Variants in NMU observed in about 807,000 individuals in gnomAD.
The protein encoded by NMU is neuromedin-U.
NMU carries 29 observed loss-of-function variants against 35.4 expected under a neutral mutation model. The observed-to-expected ratio is 0.82, with a 90% confidence interval of 0.61 to 1.12. The LOEUF (loss-of-function observed/expected upper bound fraction) is 1.12. Among genes scored for constraint, NMU ranks in the 50% most tolerant of loss-of-function variants. The pLI is 0.00. For synonymous variants in NMU, 78 were observed against 81.3 expected, an observed-to-expected ratio of 0.96 and a Z score of 0.22; for missense variants, 199 against 206.2, an observed-to-expected ratio of 0.97 and a Z score of 0.21.
chr4:55,627,225 G>A (rs751607434), intron 2 of NMU, among the ~76,000 whole-genome samples: 10 of 151,530 alleles, frequency 6.6e-5, no homozygotes, highest in Non-Finnish European at 1.2e-4. Flanking sequence ...GGTTCATTCT[G>A]TCTGTTCTTG....
At chr4:55,619,490 C>T (rs1277870880) in intron 2 of NMU, among the ~76,000 whole-genome samples, 4 of 140,058 alleles carry the variant, frequency 2.9e-5, no homozygotes, top group East Asian at 2.1e-4. Context: ...GAGACTATAT[C>T]CCACACCTGG....
At chr4:55,607,003 T>G (rs764667492) in intron 6 of NMU, among the ~76,000 whole-genome samples, 1 of 152,132 alleles carries the variant, frequency 6.6e-6, no homozygotes, top group Non-Finnish European at 1.5e-5. Flanking sequence ...AAATTTTGTT[T>G]TATTTATTGC....
chr4:55,598,607 T>C (rs1007367131), intron 9 of NMU, among the ~76,000 whole-genome samples: 3 of 152,168 alleles, frequency 2.0e-5, no homozygotes, highest in Non-Finnish European at 2.9e-5. Flanking sequence ...AGGTAGAAAT[T>C]CTGGTAGCAC....
intron 9 of NMU, among the ~76,000 whole-genome samples, chr4:55,596,307 G>A (rs1733177853): frequency 6.7e-6 from 1 of 149,028 alleles, no homozygotes; most frequent in African/African-American, 2.4e-5. Flanking sequence ...ATTAGTTTAT[G>A]GACACCCTAA....
chr4:55,619,141 A>G (rs567810237), intron 2 of NMU, among the ~76,000 whole-genome samples: 1 of 152,008 alleles, frequency 6.6e-6, no homozygotes, highest in East Asian at 1.9e-4. Context: ...CAAAGAACTG[A>G]TATTAGGGTT....
At chr4:55,625,894 C>T (rs902250116) in intron 2 of NMU, among the ~76,000 whole-genome samples, 1 of 151,864 alleles carries the variant, frequency 6.6e-6, no homozygotes, top group Admixed American at 6.6e-5. Context: ...CCACATGTTG[C>T]CTATCCACTC....
At chr4:55,626,578 G>A (rs186494126) in intron 2 of NMU, among the ~76,000 whole-genome samples, 23 of 152,238 alleles carry the variant, frequency 1.5e-4, no homozygotes, top group Admixed American at 1.2e-3. Flanking sequence ...GTGGTGGCAC[G>A]TGCCTGTAGT....
chr4:55,604,027 A>ATATATACATGTGT (rs1733567304), intron 7 of NMU, among the ~76,000 whole-genome samples: 1 of 29,002 alleles, frequency 3.4e-5, no homozygotes, highest in African/African-American at 1.0e-4. Context: ...GTATATATAT[A>ATATATACATGTGT]ATCCTAGAAA....
chr4:55,636,077 T>C lies in NMU; in HGVS notation c.112+4A>G. 6.5e-7 allele frequency: 1 copy of C among 1,531,138 alleles called. No individual in the cohort carries two copies. The highest frequency in any genetic ancestry group is 1.2e-5 in the South Asian group (1 of 83,862). The allele number at this position is 1,531,138 out of a possible 1,614,324, so 94.8% of individuals were successfully genotyped here. A position where few individuals can be genotyped will look rare whatever the true frequency, so the allele number is the denominator to read the frequency against. On this transcript the variant is annotated splice_donor_region_variant and intron_variant, in intron 1 of 9. Transcript: ENST00000264218. The surrounding 1 kb of genome is among the most constrained non-coding windows in gnomAD (Gnocchi z 4.0). ...GGAAGCGGCCGGGTGCGGGGCCGTC[T>C]TACCTCGGCAGGCGCCCGCGCACCA...
chr4:55,628,647 A>G (rs945857277), intron 2 of NMU, among the ~76,000 whole-genome samples: 1 of 151,860 alleles, frequency 6.6e-6, no homozygotes, highest in African/African-American at 2.4e-5. Context: ...TACAGGCACC[A>G]TGCCCGGATA....
chr4:55,607,461 T>C lies in NMU; in HGVS notation c.285A>G (p.Gln95=). The change falls in exon 5 of 10, where the codon CAA becomes CAG. Residue 95 remains glutamine (Q), a synonymous_variant. Coordinates refer to ENST00000264218, the MANE Select transcript of NMU (RefSeq NM_006681.4). ...IMGMLPKPQE[Q]DEKDNTKRFL... Reference sequence around the variant, plus strand: ...CCCTTTTAGTATTATCTTTTTCATCTTGTTCCTATTGAAAAGAGATATTGT... The same window carrying C: ...CCCTTTTAGTATTATCTTTTTCATCCTGTTCCTATTGAAAAGAGATATTGT... 1.0e-6 allele frequency: 1 copy of C among 965,520 alleles called. No individual in the cohort carries two copies. 59.8% of individuals were successfully genotyped at this position (965,520 alleles called of 1,614,324 possible).
chr4:55,618,856 C>T (rs1577954786), intron 2 of NMU, among the ~76,000 whole-genome samples: 3 of 140,992 alleles, frequency 2.1e-5, no homozygotes, highest in Admixed American at 7.3e-5. Context: ...TTTCTTTCTT[C>T]TCTCTCTCTT....
intron 7 of NMU, 37 bp downstream of exon 7, chr4:55,605,238 G>A (rs751153597): frequency 4.9e-6 from 7 of 1,421,126 alleles, no homozygotes; most frequent in Non-Finnish European, 7.0e-6. Flanking sequence ...TGCCCCACAC[G>A]GAATGGCAAA....
chr4:55,630,388 T>C lies in NMU; in HGVS notation c.171+14A>G, dbSNP rs1212121228. 5.6e-6 allele frequency: 9 copies of C among 1,595,990 alleles called. No homozygotes were observed. Among genetic ancestry groups the C allele is most frequent in the Non-Finnish European group, 1.7e-6 (2 of 1,163,908 alleles). ...GTAAAGTTTCTACAAATTTGTGTGA[T>C]GATAGTTCCTTACCTCATTCCACAA... On this transcript the variant is annotated intron_variant, in intron 2 of 9. Coordinates refer to ENST00000264218, the MANE Select transcript of NMU (RefSeq NM_006681.4).
At chr4:55,632,970 GA>G (rs57903053) in intron 1 of NMU, among the ~76,000 whole-genome samples, 49,588 of 121,316 alleles carry the variant, frequency 0.41, 8,596 homozygotes, top group South Asian at 0.49. Flanking sequence ...TTTCACTGTG[GA>G]AAAAAAAAAA....
intron 9 of NMU, among the ~76,000 whole-genome samples, chr4:55,598,199 C>G (rs1733278492): frequency 1.3e-5 from 2 of 149,996 alleles, no homozygotes; most frequent in African/African-American, 4.9e-5. Flanking sequence ...TCAAGCGATC[C>G]TCCCATCTCA....
At chr4:55,607,096 C>T (rs62308662) in intron 6 of NMU, among the ~76,000 whole-genome samples, 10 of 151,990 alleles carry the variant, frequency 6.6e-5, no homozygotes, top group East Asian at 5.8e-4. Flanking sequence ...AATGAATGAA[C>T]GAATCAATTT....
intron 2 of NMU, among the ~76,000 whole-genome samples, chr4:55,618,829 T>G (rs1224602692): frequency 6.6e-6 from 1 of 151,204 alleles, no homozygotes; most frequent in African/African-American, 2.4e-5. Flanking sequence ...CTCTCTTTCT[T>G]CTTTCTTTTC....
intron 2 of NMU, among the ~76,000 whole-genome samples, chr4:55,626,480 G>A (rs1209891628): frequency 1.3e-5 from 2 of 152,186 alleles, no homozygotes; most frequent in Non-Finnish European, 2.9e-5. Flanking sequence ...CAAGGTGGGC[G>A]GATCACTTGA....
Sources: allele counts gnomAD v4.1 joint callset (sites outside exome capture counted in the v4.1 genomes callset), GRCh38; gene constraint gnomAD v4.1.1; non-coding constraint Gnocchi (gnomAD v3.1); transcripts MANE v1.5; gene names NCBI Gene and HGNC (gene_info 2026-07-23, HGNC 2026-07-21).